The following RBMS3 variants were observed in gnomAD, a reference collection of about 807,000 sequenced individuals.
RBMS3 encodes the protein RNA binding motif single stranded interacting protein 3.
Under a neutral mutation model 66.8 loss-of-function variants are expected in RBMS3, and 27 were observed. The ratio of observed to expected loss-of-function variants is 0.40; its 90% confidence interval spans 0.30 to 0.56. The LOEUF is 0.56. RBMS3 is among the 20% of genes least tolerant of loss of function. The pLI, the probability that RBMS3 is intolerant of heterozygous loss-of-function variation, is 0.40. For synonymous variants in RBMS3, 188 were observed against 183.0 expected (o/e 1.03, Z -0.22); for missense variants, 513 against 549.5 (o/e 0.93, Z 0.66).
In RBMS3 at chr3:29,676,132, G is replaced by A. The variant is rs144127054; in HGVS notation, c.400-63588G>A. ...GAGTTCATGTCCTTTGTAGGGACAT[G>A]GATGAAGCTGGAAACCATCATTCTC... On this transcript the variant is annotated intron_variant, in intron 4 of 14. Transcript: ENST00000383767. 1.2e-3 allele frequency among the ~76,000 whole-genome samples: 182 copies of A among 152,302 alleles called. 1 individual carries two copies. The highest frequency in any genetic ancestry group is 4.2e-3 in the African/African-American group (175 of 41,568).
chr3:29,806,656 CTA>C (rs1019969552), intron 6 of RBMS3, among the ~76,000 whole-genome samples: 2 of 151,888 alleles, frequency 1.3e-5, no homozygotes, highest in African/African-American at 4.8e-5. Context: ...AGTCTCTTCA[CTA>C]TGTCTGTTCA....
chr3:29,377,625 C>T (rs2125615756), intron 1 of RBMS3, among the ~76,000 whole-genome samples: 1 of 152,242 alleles, frequency 6.6e-6, no homozygotes, highest in Non-Finnish European at 1.5e-5. Context: ...CCAAGAGTTC[C>T]ATTAAAAGTC....
At chr3:29,979,569 A>G (rs2149779086) in intron 12 of RBMS3, among the ~76,000 whole-genome samples, 1 of 152,220 alleles carries the variant, frequency 6.6e-6, no homozygotes, top group East Asian at 1.9e-4. Context: ...TATTTCTCCT[A>G]ATGCTATCCC....
At chr3:29,441,039 A>T (rs569289478) in intron 2 of RBMS3, among the ~76,000 whole-genome samples, 13 of 141,568 alleles carry the variant, frequency 9.2e-5, no homozygotes, top group African/African-American at 3.3e-4. Context: ...TTCCTCTAAT[A>T]AGACCCTAGG....
At position 29,434,822 on chromosome 3, in the gene RBMS3, A is replaced by T; in HGVS notation, c.155A>T (p.Asn52Ile). 1 of 1,614,114 alleles carries T rather than the reference A, an allele frequency of 6.2e-7. No individual in the cohort carries two copies. The highest frequency in any genetic ancestry group is 8.5e-7 in the Non-Finnish European group (1 of 1,180,028). ...TNSSSNNSSN[N>I]SSGEQLSKTN... is the part of the protein sequence containing the mutation. ...AGCAGCAGCAACAACAGCAGCAACAACAGCAGCGGGGAACAGTTGAGTAAA... is the reference window on the plus strand; with the variant it reads ...AGCAGCAGCAACAACAGCAGCAACATCAGCAGCGGGGAACAGTTGAGTAAA... The change falls in exon 2 of 15, where the codon AAC becomes ATC. Residue 52 changes from asparagine to isoleucine, a missense_variant. By Grantham distance (149) the Asn-to-Ile change is moderately radical. Coordinates refer to ENST00000383767, the MANE Select transcript of RBMS3 (RefSeq NM_001003793.3).
At chr3:29,879,875 C>T (rs922293511) in intron 7 of RBMS3, among the ~76,000 whole-genome samples, 4 of 152,038 alleles carry the variant, frequency 2.6e-5, no homozygotes, top group African/African-American at 4.8e-5. Flanking sequence ...TCAACTAAGA[C>T]CAAGCATTGC....
At chr3:29,884,125 T>C in intron 7 of RBMS3, 37 bp from the exon 8 acceptor site, 1 of 1,578,794 alleles carries the variant, frequency 6.3e-7, no homozygotes, top group Non-Finnish European at 8.7e-7. Flanking sequence ...ATAAAAACGT[T>C]AAGATTTGTT....
At chr3:29,720,818 A>G (rs1043048374) in intron 4 of RBMS3, among the ~76,000 whole-genome samples, 4 of 151,964 alleles carry the variant, frequency 2.6e-5, no homozygotes, top group African/African-American at 9.7e-5. Flanking sequence ...CTGTGTCTGT[A>G]TTTATATCTG....
At chr3:29,993,381 C>T (rs1306478494) in intron 14 of RBMS3, among the ~76,000 whole-genome samples, 2 of 151,984 alleles carry the variant, frequency 1.3e-5, no homozygotes, top group African/African-American at 4.8e-5. Context: ...TAGCAAGAGA[C>T]ATTGATTGGT....
intron 1 of RBMS3, among the ~76,000 whole-genome samples, chr3:29,386,748 T>C (rs2039027582): frequency 6.6e-6 from 1 of 152,174 alleles, no homozygotes; most frequent in African/African-American, 2.4e-5. Flanking sequence ...TAAAGCAAAC[T>C]CAGTAAACGA....
chr3:29,867,383 A>C (rs368094787), intron 6 of RBMS3, among the ~76,000 whole-genome samples: 3 of 150,560 alleles, frequency 2.0e-5, no homozygotes, highest in African/African-American at 7.4e-5. Flanking sequence ...TGGTGGGCTC[A>C]GTTTATATCA....
intron 1 of RBMS3, among the ~76,000 whole-genome samples, chr3:29,324,157 C>A (rs1305011776): frequency 6.6e-6 from 1 of 152,134 alleles, no homozygotes; most frequent in African/African-American, 2.4e-5. Context: ...AACTTAAATG[C>A]ACTTCTATAA....
rs916567457 is a variant in RBMS3 at position 29,754,429 on chromosome 3, G to A, written c.558-8481G>A. Among the ~76,000 whole-genome samples, 5 of 152,286 alleles carry A rather than the reference G, an allele frequency of 3.3e-5. No homozygotes were observed. In the East Asian group the frequency reaches 9.7e-4, roughly 29 times the overall value. Reference sequence around the variant, plus strand: ...GCAGGAATGTGTGCAGTTTCAAAAAGTGAATTGGTCTGAATGTTCAACCAA... The same window carrying A: ...GCAGGAATGTGTGCAGTTTCAAAAAATGAATTGGTCTGAATGTTCAACCAA... On this transcript the variant is annotated intron_variant, in intron 5 of 14. Coordinates refer to ENST00000383767, the MANE Select transcript of RBMS3 (RefSeq NM_001003793.3).
intron 2 of RBMS3, among the ~76,000 whole-genome samples, chr3:29,461,446 C>A (rs760634348): frequency 1.3e-5 from 2 of 152,188 alleles, no homozygotes; most frequent in Non-Finnish European, 2.9e-5. Flanking sequence ...ACAACAAAAA[C>A]AAAGTGCCAA....
intron 3 of RBMS3, among the ~76,000 whole-genome samples, chr3:29,490,007 C>G (rs527740328): frequency 1.6e-4 from 22 of 139,446 alleles, no homozygotes; most frequent in African/African-American, 5.9e-4. Flanking sequence ...TGCGTCATTG[C>G]ACTCCAGCCT....
intron 8 of RBMS3, among the ~76,000 whole-genome samples, chr3:29,892,820 T>C (rs769764882): frequency 2.3e-5 from 3 of 130,506 alleles, no homozygotes; most frequent in African/African-American, 6.3e-5. Flanking sequence ...TGTATGTATG[T>C]ATGTATGTAT....
intron 12 of RBMS3, among the ~76,000 whole-genome samples, chr3:29,950,999 G>A (rs764302082): frequency 1.3e-5 from 2 of 151,834 alleles, no homozygotes; most frequent in Non-Finnish European, 2.9e-5. Flanking sequence ...GTTGGAATTA[G>A]ATGGAGTACA....
At chr3:29,912,746 C>T (rs1241032648) in intron 10 of RBMS3, among the ~76,000 whole-genome samples, 1 of 151,976 alleles carries the variant, frequency 6.6e-6, no homozygotes, top group Admixed American at 6.6e-5. Flanking sequence ...TATAACCTAT[C>T]TTGATATAAG....
intron 1 of RBMS3, among the ~76,000 whole-genome samples, chr3:29,340,364 G>A (rs1208758751): frequency 3.9e-5 from 6 of 152,026 alleles, no homozygotes; most frequent in Admixed American, 3.9e-4. Flanking sequence ...TTTTTATTTG[G>A]CCAATGGACA....
Sources: allele counts gnomAD v4.1 joint callset (sites outside exome capture counted in the v4.1 genomes callset), GRCh38; gene constraint gnomAD v4.1.1; transcripts MANE v1.5; gene names NCBI Gene and HGNC (gene_info 2026-07-23, HGNC 2026-07-21).